SLC35F4: variants seen among roughly 807,000 people sequenced by gnomAD.
SLC35F4 encodes solute carrier family 35 member F4.
SLC35F4 carries 24 observed loss-of-function variants against 44.2 expected under a neutral mutation model. The observed-to-expected ratio is 0.54, with a 90% confidence interval of 0.39 to 0.76. The LOEUF (loss-of-function observed/expected upper bound fraction) is 0.76. Among genes scored for constraint, SLC35F4 ranks in the 30% least tolerant of loss-of-function variants. The probability of loss-of-function intolerance (pLI) is 0.00; values close to 1 mark genes in which losing one functional copy is unlikely to be tolerated. For missense variants in SLC35F4, 562 were observed against 586.1 expected, an observed-to-expected ratio of 0.96 and a Z score of 0.42; for synonymous variants, 238 against 223.6, an observed-to-expected ratio of 1.06 and a Z score of -0.57.
chr14:57,760,100 T>C (rs1792015942), intron 1 of SLC35F4, among the ~76,000 whole-genome samples: 1 of 152,164 alleles, frequency 6.6e-6, no homozygotes. Context: ...AAAAAATCAT[T>C]GCCAAGTCCA....
chr14:57,579,885 T>C (rs1322179772), intron 4 of SLC35F4, among the ~76,000 whole-genome samples: 1 of 152,098 alleles, frequency 6.6e-6, no homozygotes, highest in Non-Finnish European at 1.5e-5. Context: ...CTGGGCCCCA[T>C]GGATTATGTA....
At chr14:57,783,947 G>A (rs73291863) in intron 1 of SLC35F4, among the ~76,000 whole-genome samples, 6,342 of 152,224 alleles carry the variant, frequency 0.042, 196 homozygotes, top group African/African-American at 0.083. Flanking sequence ...AGATGCTGTC[G>A]TTGATATAGA....
intron 1 of SLC35F4, among the ~76,000 whole-genome samples, chr14:57,609,301 G>A (rs181908513): frequency 9.1e-4 from 138 of 152,262 alleles, no homozygotes; most frequent in African/African-American, 3.2e-3. Flanking sequence ...TAATTTAATA[G>A]AAGAAAATGT....
intron 5 of SLC35F4, among the ~76,000 whole-genome samples, chr14:57,571,203 G>A (rs1217646888): frequency 6.6e-6 from 1 of 152,066 alleles, no homozygotes; most frequent in African/African-American, 2.4e-5. Context: ...AGAGCTTTGG[G>A]GAATAACTTT....
chr14:57,737,641 G>A (rs2076502011), intron 1 of SLC35F4, among the ~76,000 whole-genome samples: 2 of 152,200 alleles, frequency 1.3e-5, no homozygotes, highest in African/African-American at 4.8e-5. Context: ...CCAGACCTCA[G>A]ATTCTGACAT....
rs754708645 is a variant in SLC35F4 at position 57,594,094 on chromosome 14, T to C, written c.134A>G (p.Lys45Arg). The C allele has an allele frequency of 4.0e-5, 65 of 1,613,724 alleles. No individual in the cohort carries two copies. The highest frequency in any genetic ancestry group is 1.1e-4 in the East Asian group (5 of 44,898). ...TGAACTGGGGCAGTTGGCTCCTGGT[T>C]TACATCTAGTGACTGATGATCTGGA... is the stretch of plus-strand genomic sequence containing the variant. ...STSRSSVTRC[K>R]PGANCPSSHS... The change falls in exon 2 of 8, where the codon AAA becomes AGA. Residue 45 changes from lysine to arginine, a missense_variant. Lys to Arg is a conservative substitution (Grantham distance 26). Coordinates refer to ENST00000556826, the MANE Select transcript of SLC35F4 (RefSeq NM_001306087.2).
chr14:57,656,372 TATATACAC>T (rs761998807), intron 1 of SLC35F4, among the ~76,000 whole-genome samples: 5,232 of 86,054 alleles, frequency 0.061, 142 homozygotes, highest in Non-Finnish European at 0.088. Flanking sequence ...TATATATATA[TATATACAC>T]ACACACACAC....
At chr14:57,747,358 A>G (rs752404922) in intron 1 of SLC35F4, among the ~76,000 whole-genome samples, 3 of 152,206 alleles carry the variant, frequency 2.0e-5, no homozygotes, top group African/African-American at 7.2e-5. Context: ...CTACCTTTGC[A>G]ATAAACATAA....
At chr14:57,674,186 T>A (rs567880667) in intron 1 of SLC35F4, among the ~76,000 whole-genome samples, 1 of 152,004 alleles carries the variant, frequency 6.6e-6, no homozygotes, top group South Asian at 2.1e-4. Flanking sequence ...CCCACCAGAA[T>A]GGCTAAAATA....
Position 57,564,340 on chromosome 14 carries a change from A to G in SLC35F4, c.1253T>C (p.Val418Ala). The G allele has an allele frequency of 1.9e-6, 3 of 1,610,394 alleles. No individual in the cohort carries two copies. The highest frequency in any genetic ancestry group is 2.5e-6 in the Non-Finnish European group (3 of 1,178,350). ...GATGATGGTAGCAGCCAGGCGGACAACATTGAATATCACCTCCTGCTTTAG... is the reference window on the plus strand; with the variant it reads ...GATGATGGTAGCAGCCAGGCGGACAGCATTGAATATCACCTCCTGCTTTAG... Reference protein sequence around the residue: ...DLLKQEVIFNVVRLAATIIIC... With the variant: ...DLLKQEVIFNAVRLAATIIIC... Residue 418 changes from valine (V) to alanine (A), a missense_variant, in exon 8 of 8, where the codon GTT becomes GCT. Val to Ala is a moderately conservative substitution (Grantham distance 64). Coordinates refer to ENST00000556826, the MANE Select transcript of SLC35F4 (RefSeq NM_001306087.2).
intron 1 of SLC35F4, among the ~76,000 whole-genome samples, chr14:57,619,548 T>C (rs973843619): frequency 1.1e-4 from 16 of 151,850 alleles, no homozygotes; most frequent in South Asian, 6.3e-4. Context: ...GTCACTAACA[T>C]CAGAGACCAA....
intron 1 of SLC35F4, among the ~76,000 whole-genome samples, chr14:57,946,665 A>G (rs761266377): frequency 6.6e-6 from 1 of 151,112 alleles, no homozygotes; most frequent in Non-Finnish European, 1.5e-5. Flanking sequence ...TAGTAGAGAT[A>G]GGGTTTCACC....
At chr14:57,671,289 C>T (rs1440982156) in intron 1 of SLC35F4, among the ~76,000 whole-genome samples, 1 of 151,938 alleles carries the variant, frequency 6.6e-6, no homozygotes. Flanking sequence ...TGGCATCACC[C>T]CTCCCTTAAC....
intron 1 of SLC35F4, among the ~76,000 whole-genome samples, chr14:57,715,377 A>G (rs766583681): frequency 6.6e-6 from 1 of 152,230 alleles, no homozygotes; most frequent in Non-Finnish European, 1.5e-5. Flanking sequence ...CATAATTATT[A>G]CAGCATCCAC....
intron 1 of SLC35F4, among the ~76,000 whole-genome samples, chr14:57,655,442 G>A (rs1207899073): frequency 1.3e-5 from 2 of 152,010 alleles, no homozygotes; most frequent in Admixed American, 6.6e-5. Flanking sequence ...ACCTAAGTTC[G>A]GGCTTCCCTG....
chr14:57,704,723 T>G (rs564679261), intron 1 of SLC35F4, among the ~76,000 whole-genome samples: 1 of 152,282 alleles, frequency 6.6e-6, no homozygotes, highest in African/African-American at 2.4e-5. Flanking sequence ...TAGGCCTCTG[T>G]GCAAAGAAAG....
At chr14:57,919,145 G>A (rs1383599260) in intron 1 of SLC35F4, among the ~76,000 whole-genome samples, 2 of 152,174 alleles carry the variant, frequency 1.3e-5, no homozygotes, top group Non-Finnish European at 2.9e-5. Flanking sequence ...AGGAGCTCAA[G>A]AGTCTGAATT....
intron 1 of SLC35F4, among the ~76,000 whole-genome samples, chr14:57,608,074 G>A (rs2071269561): frequency 2.0e-5 from 3 of 152,166 alleles, no homozygotes; most frequent in South Asian, 4.1e-4. Context: ...AGGAGAGATG[G>A]TCAGTGGGCA....
chr14:57,849,472 T>C (rs1024870382), intron 1 of SLC35F4, among the ~76,000 whole-genome samples: 6 of 152,256 alleles, frequency 3.9e-5, no homozygotes, highest in Admixed American at 3.9e-4. Flanking sequence ...CACAAAAATT[T>C]TTTTTTAAAT....
Sources: gnomAD v4.1 joint callset for allele counts (sites outside exome capture counted in the v4.1 genomes callset) on GRCh38, gnomAD v4.1.1 for gene constraint, MANE v1.5 for transcripts, NCBI Gene and HGNC (gene_info 2026-07-23, HGNC 2026-07-21) for gene names.